Variants in DDX10 observed in about 807,000 individuals in gnomAD.
DDX10 encodes probable ATP-dependent RNA helicase DDX10.
Under a neutral mutation model 104.3 loss-of-function variants are expected in DDX10, and 74 were observed. That is an observed-to-expected ratio of 0.71 (90% CI 0.59 to 0.86). The LOEUF (loss-of-function observed/expected upper bound fraction) is 0.86, where lower values mean the gene tolerates loss of function less well. DDX10 is among the 40% of genes least tolerant of loss of function. DDX10 has a pLI of 0.00. For missense variants in DDX10, 952 were observed against 1,040.0 expected, an observed-to-expected ratio of 0.92 and a Z score of 1.16; for synonymous variants, 351 against 353.4, an observed-to-expected ratio of 0.99 and a Z score of 0.08.
intron 16 of DDX10, among the ~76,000 whole-genome samples, chr11:108,867,380 T>A (rs1445592485): frequency 6.6e-6 from 1 of 152,202 alleles, no homozygotes; most frequent in African/African-American, 2.4e-5. Flanking sequence ...CTTTGAAGAG[T>A]AAGCCAGAGC....
At chr11:108,700,781 C>G (rs995306080) in intron 9 of DDX10, among the ~76,000 whole-genome samples, 2 of 151,962 alleles carry the variant, frequency 1.3e-5, no homozygotes, top group African/African-American at 4.8e-5. Flanking sequence ...GTATCTAACT[C>G]TTATTTCCTG....
intron 13 of DDX10, among the ~76,000 whole-genome samples, chr11:108,779,401 G>A (rs1421536483): frequency 1.3e-5 from 2 of 152,150 alleles, no homozygotes; most frequent in African/African-American, 2.4e-5. Flanking sequence ...CATGGATGAA[G>A]CCGGAAACCA....
intron 16 of DDX10, among the ~76,000 whole-genome samples, chr11:108,874,157 A>G (rs1011744374): frequency 5.9e-5 from 9 of 152,224 alleles, no homozygotes; most frequent in Admixed American, 4.6e-4. Flanking sequence ...GTGGTTCACC[A>G]AAGATGACTG....
chr11:108,704,653 T>C (rs1318527526), intron 9 of DDX10, among the ~76,000 whole-genome samples: 1 of 152,234 alleles, frequency 6.6e-6, no homozygotes, highest in Non-Finnish European at 1.5e-5. Context: ...AGGGGTCTGC[T>C]TTAAATTCAT....
intron 9 of DDX10, among the ~76,000 whole-genome samples, chr11:108,696,775 G>A (rs1028180477): frequency 9.9e-5 from 15 of 151,806 alleles, no homozygotes; most frequent in African/African-American, 3.4e-4. Context: ...ATTTTCATAT[G>A]TATTACATTC....
At chr11:108,917,566 T>C (rs1057440298) in intron 16 of DDX10, among the ~76,000 whole-genome samples, 1 of 152,202 alleles carries the variant, frequency 6.6e-6, no homozygotes, top group Non-Finnish European at 1.5e-5. Flanking sequence ...AGCACCTGGC[T>C]TTTATTTCTT....
chr11:108,742,096 C>T (rs142147418), intron 13 of DDX10, among the ~76,000 whole-genome samples: 1,779 of 151,618 alleles, frequency 0.012, 38 homozygotes, highest in African/African-American at 0.041. Flanking sequence ...CCTGTTTCTA[C>T]TAAAAATACA....
chr11:108,724,253 TAGA>T (rs1292576459), intron 13 of DDX10, among the ~76,000 whole-genome samples: 2 of 152,022 alleles, frequency 1.3e-5, no homozygotes, highest in African/African-American at 2.4e-5. Context: ...CTGTGAAACT[TAGA>T]AGAGTGTTTC....
intron 13 of DDX10, among the ~76,000 whole-genome samples, chr11:108,804,868 G>A (rs994345742): frequency 6.6e-6 from 1 of 152,214 alleles, no homozygotes; most frequent in Non-Finnish European, 1.5e-5. Context: ...GATGGAATGT[G>A]GAAGAGGGGC....
In DDX10 at chr11:108,922,648, A is replaced by T. The variant is rs192156995; in HGVS notation, c.2450+4630A>T. Among the ~76,000 whole-genome samples, 26 of 152,348 alleles carry T rather than the reference A, an allele frequency of 1.7e-4. No individual in the cohort carries two copies. In the Middle Eastern group the frequency reaches 0.01, roughly 60 times the overall value. Reference sequence around the variant, plus strand: ...AGTGCATAGCTGCAATAGAATTTAAACTACCTTCGACCCTCTAAAATTATC... The same window carrying T: ...AGTGCATAGCTGCAATAGAATTTAATCTACCTTCGACCCTCTAAAATTATC... On this transcript the variant is annotated intron_variant, in intron 17 of 17. Transcript: ENST00000322536.
At chr11:108,851,267 T>C (rs1463147228) in intron 15 of DDX10, among the ~76,000 whole-genome samples, 2 of 152,138 alleles carry the variant, frequency 1.3e-5, no homozygotes, top group Non-Finnish European at 2.9e-5. Context: ...AATACATGTA[T>C]CCACAAGCTA....
At chr11:108,704,412 C>T (rs112563116) in intron 9 of DDX10, among the ~76,000 whole-genome samples, 11 of 152,300 alleles carry the variant, frequency 7.2e-5, no homozygotes, top group Non-Finnish European at 1.0e-4. Flanking sequence ...GAAGGTAATT[C>T]GCTTAACCTC....
intron 7 of DDX10, 120 bp downstream of exon 7, chr11:108,689,182 T>G: frequency 9.9e-7 from 1 of 1,006,742 alleles, no homozygotes; most frequent in Non-Finnish European, 1.5e-6. Context: ...GTGAGGGATC[T>G]TTCGTGTCCT....
intron 13 of DDX10, among the ~76,000 whole-genome samples, chr11:108,760,167 T>TA (rs1565270038): frequency 1.3e-5 from 2 of 151,530 alleles, no homozygotes; most frequent in African/African-American, 2.4e-5. Flanking sequence ...GTGGGTTGAT[T>TA]CCCCCCCCAC....
At chr11:108,798,484 A>C (rs1411252338) in intron 13 of DDX10, among the ~76,000 whole-genome samples, 1 of 152,128 alleles carries the variant, frequency 6.6e-6, no homozygotes, top group Non-Finnish European at 1.5e-5. Context: ...GGCAGCCACC[A>C]TTCTGCTTTC....
At chr11:108,742,720 C>T (rs1481207450) in intron 13 of DDX10, among the ~76,000 whole-genome samples, 1 of 152,100 alleles carries the variant, frequency 6.6e-6, no homozygotes, top group Non-Finnish European at 1.5e-5. Flanking sequence ...TTACCACTGA[C>T]CCTACAGAGA....
intron 9 of DDX10, among the ~76,000 whole-genome samples, chr11:108,697,927 C>T (rs2094262203): frequency 6.6e-6 from 1 of 152,110 alleles, no homozygotes; most frequent in African/African-American, 2.4e-5. Flanking sequence ...TTATATATAA[C>T]TATTTTTTTC....
At chr11:108,760,059 G>A (rs2094348900) in intron 13 of DDX10, among the ~76,000 whole-genome samples, 1 of 150,466 alleles carries the variant, frequency 6.6e-6, no homozygotes, top group Admixed American at 6.6e-5. Flanking sequence ...GTGTTTGTTA[G>A]TGAAGGGTAC....
chr11:108,931,094 G>A (rs569925700), intron 17 of DDX10, among the ~76,000 whole-genome samples: 199 of 152,212 alleles, frequency 1.3e-3, no homozygotes, highest in African/African-American at 4.7e-3. Flanking sequence ...TCTCTCATGA[G>A]CCATGATAGC....
Sources: gnomAD v4.1 joint callset for allele counts (sites outside exome capture counted in the v4.1 genomes callset) on GRCh38, gnomAD v4.1.1 for gene constraint, MANE v1.5 for transcripts, NCBI Gene and HGNC (gene_info 2026-07-23, HGNC 2026-07-21) for gene names.